CEP85L: variants seen among roughly 807,000 people sequenced by gnomAD.
The protein encoded by CEP85L is centrosomal protein 85L.
Under a neutral mutation model 100.3 loss-of-function variants are expected in CEP85L, and 60 were observed. The observed-to-expected ratio is 0.60, with a 90% confidence interval of 0.49 to 0.74. CEP85L has a LOEUF of 0.74. Among genes scored for constraint, CEP85L ranks in the 30% least tolerant of loss-of-function variants. CEP85L has a pLI of 0.00. For missense variants in CEP85L, 973 were observed against 936.2 expected, an observed-to-expected ratio of 1.04 and a Z score of -0.51; for synonymous variants, 319 against 322.7, an observed-to-expected ratio of 0.99 and a Z score of 0.12.
intron 5 of CEP85L, chr6:118,501,687 T>A: frequency 9.0e-6 from 6 of 667,414 alleles, no homozygotes; most frequent in Non-Finnish European, 1.1e-5. Flanking sequence ...ATGAAAATTT[T>A]TAGCCAGGAA....
rs1406732665 is a variant in CEP85L at position 118,696,680 on chromosome 6, T to TG, written c.-28+13355_-28+13356insC. Among the ~76,000 whole-genome samples the TG allele has an allele frequency of 4.9e-3, 738 of 149,762 alleles. 9 individuals are homozygous for TG. The highest frequency in any genetic ancestry group is 0.013 in the African/African-American group (530 of 40,620). On this transcript the variant is annotated intron_variant, in intron 1 of 13. Coordinates refer to the CEP85L transcript ENST00000368488. ...TGGTTTACTAAACCTCCACAGAGTT[T>TG]TTTGTTGTTGTTGTTGTTGTTGTTA... is the stretch of plus-strand genomic sequence containing the variant.
chr6:118,623,121 G>A (rs763783262), intron 2 of CEP85L, among the ~76,000 whole-genome samples: 1 of 152,198 alleles, frequency 6.6e-6, no homozygotes, highest in Non-Finnish European at 1.5e-5. Flanking sequence ...GTACCCGTAA[G>A]ATGGCCAAAT....
chr6:118,544,204 C>T (rs930586736), intron 3 of CEP85L, among the ~76,000 whole-genome samples: 3 of 152,144 alleles, frequency 2.0e-5, no homozygotes, highest in Non-Finnish European at 4.4e-5. Flanking sequence ...GTAACAGCAT[C>T]ATGATCGGGA....
chr6:118,671,835 G>A (rs1001537784), intron 1 of CEP85L, among the ~76,000 whole-genome samples: 1 of 152,252 alleles, frequency 6.6e-6, no homozygotes, highest in Non-Finnish European at 1.5e-5. Flanking sequence ...CTGCTTGGGA[G>A]GCTGAAGCAC....
upstream of CEP85L, chr6:118,652,710 T>A: frequency 6.5e-7 from 1 of 1,542,300 alleles, no homozygotes; most frequent in Admixed American, 2.0e-5. Flanking sequence ...CACATCCGTG[T>A]TGTAATTTAT....
At chr6:118,527,667 T>C (rs1038471003) in intron 3 of CEP85L, among the ~76,000 whole-genome samples, 1 of 152,196 alleles carries the variant, frequency 6.6e-6, no homozygotes, top group African/African-American at 2.4e-5. Flanking sequence ...TAGTAAAAGC[T>C]AAACAAAAGA....
At chr6:118,540,190 G>C (rs1777829324) in intron 3 of CEP85L, among the ~76,000 whole-genome samples, 2 of 151,562 alleles carry the variant, frequency 1.3e-5, no homozygotes. Context: ...ATTTCCAACA[G>C]CAAAAACAGG....
chr6:118,697,788 T>C (rs1777262453), intron 1 of CEP85L, among the ~76,000 whole-genome samples: 1 of 152,186 alleles, frequency 6.6e-6, no homozygotes, highest in African/African-American at 2.4e-5. Context: ...TGTCTGACTT[T>C]ATAGCTGTGT....
intron 1 of CEP85L, among the ~76,000 whole-genome samples, chr6:118,671,137 G>C (rs1562351512): frequency 6.6e-6 from 1 of 152,120 alleles, no homozygotes; most frequent in Non-Finnish European, 1.5e-5. Flanking sequence ...TAAGCAATTG[G>C]TTTGTTTGAA....
chr6:118,673,976 A>G (rs1315420449), intron 1 of CEP85L, among the ~76,000 whole-genome samples: 1 of 152,230 alleles, frequency 6.6e-6, no homozygotes, highest in Non-Finnish European at 1.5e-5. Flanking sequence ...TCAAAAGAAC[A>G]TTACACCATA....
intron 3 of CEP85L, among the ~76,000 whole-genome samples, chr6:118,557,758 C>G (rs9489439): frequency 0.71 from 107,875 of 152,092 alleles, 38,982 homozygotes; most frequent in African/African-American, 0.75. Context: ...GTAAAGTCTA[C>G]GGTGATCATA....
At chr6:118,476,404 AAGT>A (rs1461281124) in intron 10 of CEP85L, among the ~76,000 whole-genome samples, 1 of 152,190 alleles carries the variant, frequency 6.6e-6, no homozygotes, top group Non-Finnish European at 1.5e-5. Context: ...AATTTTACAG[AAGT>A]AAATGTTTTC....
intron 3 of CEP85L, among the ~76,000 whole-genome samples, chr6:118,554,615 A>G (rs1415384408): frequency 6.6e-6 from 1 of 152,214 alleles, no homozygotes; most frequent in East Asian, 1.9e-4. Flanking sequence ...GGGGATACAA[A>G]CATGTAAATT....
chr6:118,615,827 T>A (rs761268975), intron 2 of CEP85L, among the ~76,000 whole-genome samples: 1 of 152,228 alleles, frequency 6.6e-6, no homozygotes, highest in Non-Finnish European at 1.5e-5. Context: ...TTCTCATACA[T>A]CACTGCTAGA....
rs1165478435 is a variant in CEP85L at position 118,463,668 on chromosome 6, T to C, written c.*1737A>G. 1 of 152,034 alleles carries C rather than the reference T, an allele frequency of 6.6e-6. No homozygotes were observed. The highest frequency in any genetic ancestry group is 1.5e-5 in the Non-Finnish European group (1 of 67,940). 9.4% of individuals were successfully genotyped at this position (152,034 alleles called of 1,614,324 possible). ...ACTCTGGGATGCAGGAGCACTACAA[T>C]GTACTTACTGATTTCTTAGTGCCCA... On this transcript the variant is annotated 3_prime_UTR_variant, in exon 13 of 13. Transcript: ENST00000368491.
intron 10 of CEP85L, among the ~76,000 whole-genome samples, chr6:118,473,418 C>T (rs959838777): frequency 6.6e-6 from 1 of 152,006 alleles, no homozygotes; most frequent in Non-Finnish European, 1.5e-5. Flanking sequence ...GGTTCTGGGA[C>T]AGATGGTGTC....
intron 4 of CEP85L, among the ~76,000 whole-genome samples, chr6:118,513,416 CAAATAGATTACAGTG>C (rs1240335307): frequency 6.6e-6 from 1 of 151,936 alleles, no homozygotes; most frequent in East Asian, 1.9e-4. Context: ...ACATCTAAAT[CAAATAGATTACAGTG>C]ATAAAATCTT....
intron 3 of CEP85L, among the ~76,000 whole-genome samples, chr6:118,526,058 C>T (rs182690452): frequency 1.1e-4 from 17 of 152,252 alleles, no homozygotes; most frequent in Admixed American, 9.2e-4. Context: ...GGATAGAGAT[C>T]AGTTGAAAAG....
Position 118,629,648 on chromosome 6 carries a change from T to C in CEP85L, c.232+2805A>G, listed in dbSNP as rs1280943080. Among the ~76,000 whole-genome samples the C allele has an allele frequency of 2.6e-5, 4 of 152,288 alleles. No homozygotes were observed. In the East Asian group the frequency reaches 5.8e-4, roughly 22 times the overall value. On this transcript the variant is annotated intron_variant, in intron 2 of 12. Coordinates refer to ENST00000368491, the MANE Select transcript of CEP85L (RefSeq NM_001042475.3). The stretch of plus-strand genomic sequence containing the variant: ...ACAAAACTAAATATACAAAATTAAA[T>C]ATATAGAAAACTAAATATACTCTTA...
Sources: gnomAD v4.1 joint callset for allele counts (sites outside exome capture counted in the v4.1 genomes callset) on GRCh38, gnomAD v4.1.1 for gene constraint, MANE v1.5 for transcripts, NCBI Gene and HGNC (gene_info 2026-07-23, HGNC 2026-07-21) for gene names.